Variants in LRCH3 observed in about 807,000 individuals in gnomAD.
LRCH3 encodes leucine rich repeats and calponin homology domain containing 3.
LRCH3 carries 68 observed loss-of-function variants against 104.5 expected under a neutral mutation model. The observed-to-expected ratio is 0.65, with a 90% CI of 0.54 to 0.80. The LOEUF is 0.80. Ranked by LOEUF, LRCH3 falls within the 30% of genes least tolerant of loss-of-function variation. LRCH3 has a pLI of 0.00. For synonymous variants in LRCH3, 344 were observed against 361.3 expected (o/e 0.95, Z 0.54); for missense variants, 951 against 953.9 (o/e 1.00, Z 0.04).
intron 9 of LRCH3, among the ~76,000 whole-genome samples, chr3:197,836,183 G>C (rs973206019): frequency 5.3e-5 from 8 of 152,146 alleles, no homozygotes; most frequent in Non-Finnish European, 1.0e-4. Flanking sequence ...TCATAGTTTG[G>C]TCAGTAGTTA....
At chr3:197,834,185 G>T (rs1472143076) in intron 8 of LRCH3, among the ~76,000 whole-genome samples, 1 of 151,466 alleles carries the variant, frequency 6.6e-6, no homozygotes, top group African/African-American at 2.4e-5. Context: ...TTAGTAGGAA[G>T]TTTTTTTTTC....
At chr3:197,800,805 A>G (rs1295156711) in intron 1 of LRCH3, among the ~76,000 whole-genome samples, 3 of 152,194 alleles carry the variant, frequency 2.0e-5, no homozygotes, top group African/African-American at 7.2e-5. Context: ...AATTGTGTGA[A>G]AATGAGCTGG....
chr3:197,882,203 C>T (rs866311229), intron 20 of LRCH3: 1 of 985,364 alleles, frequency 1.0e-6, no homozygotes, highest in Non-Finnish European at 1.2e-6. Context: ...ACACCGGCCG[C>T]GCAGGTCCTA....
chr3:197,857,137 C>T (rs111718510), intron 14 of LRCH3, among the ~76,000 whole-genome samples: 46 of 112,572 alleles, frequency 4.1e-4, no homozygotes, highest in East Asian at 6.1e-4. Context: ...CTCCTGTTAA[C>T]ATCAGTTTAC....
intron 3 of LRCH3, among the ~76,000 whole-genome samples, chr3:197,817,958 C>A (rs1039055876): frequency 1.3e-5 from 2 of 152,064 alleles, no homozygotes; most frequent in African/African-American, 4.8e-5. Context: ...GTAGCTGGGA[C>A]CACAGGCGCC....
At chr3:197,799,640 G>A (rs1199340590) in intron 1 of LRCH3, among the ~76,000 whole-genome samples, 1 of 152,066 alleles carries the variant, frequency 6.6e-6, no homozygotes, top group East Asian at 1.9e-4. Flanking sequence ...GTCAAGATGG[G>A]TGGATCACCT....
At chr3:197,800,936 A>T (rs575013948) in intron 1 of LRCH3, among the ~76,000 whole-genome samples, 63 of 152,240 alleles carry the variant, frequency 4.1e-4, no homozygotes, top group African/African-American at 1.4e-3. Flanking sequence ...TCTACTAAAA[A>T]TACAAAAAAT....
chr3:197,872,713 A>G (rs1712363974), intron 19 of LRCH3, among the ~76,000 whole-genome samples: 1 of 152,038 alleles, frequency 6.6e-6, no homozygotes, highest in Admixed American at 6.6e-5. Context: ...AAAATTAGCC[A>G]GGAGTGGTTC....
At chr3:197,795,485 C>T (rs1215131231) in intron 1 of LRCH3, among the ~76,000 whole-genome samples, 3 of 151,946 alleles carry the variant, frequency 2.0e-5, no homozygotes, top group Non-Finnish European at 4.4e-5. Context: ...ATGCTTTGAG[C>T]CCTGGGGTTG....
intron 4 of LRCH3, among the ~76,000 whole-genome samples, chr3:197,823,998 T>C (rs1470323405): frequency 6.6e-6 from 1 of 152,202 alleles, no homozygotes; most frequent in Non-Finnish European, 1.5e-5. Context: ...TTACTGTAAT[T>C]ATGTAAACAT....
In LRCH3 at chr3:197,840,417, A is replaced by G. The variant is rs556745315; in HGVS notation, c.1328+1020A>G. Among the ~76,000 whole-genome samples, 11 of 152,282 alleles carry G rather than the reference A, an allele frequency of 7.2e-5. No individual in the cohort carries two copies. In the South Asian group the frequency reaches 1.7e-3, roughly 23 times the overall value. On this transcript the variant is annotated intron_variant, in intron 10 of 20. Coordinates refer to ENST00000425562, the MANE Select transcript of LRCH3 (RefSeq NM_001365715.1). ...GGTTGCAGTGAGCCGAGATCGCACC[A>G]TTGCCCTCCAGCCTGGGTGACAGAC...
chr3:197,823,709 C>G (rs1734766275), intron 4 of LRCH3, among the ~76,000 whole-genome samples: 1 of 151,962 alleles, frequency 6.6e-6, no homozygotes, highest in Non-Finnish European at 1.5e-5. Flanking sequence ...TGGCTGGTCT[C>G]CTGGACTCAA....
chr3:197,817,192 A>G lies in LRCH3; in HGVS notation c.424A>G (p.Thr142Ala), dbSNP rs545179844. The change falls in exon 3 of 21, where the codon ACA becomes GCA. Residue 142 changes from threonine to alanine, a missense_variant. Thr to Ala is a moderately conservative substitution (Grantham distance 58). Coordinates refer to ENST00000425562, the MANE Select transcript of LRCH3 (RefSeq NM_001365715.1). ...CCCATTTAGTCGGAACCAACTGTCA[A>G]CATTGCCGGTACACTTGTGTAATTT... ...FLNISRNQLS[T>A]LPVHLCNLPL... 2.4e-5 allele frequency: 39 copies of G among 1,601,508 alleles called. No individual in the cohort carries two copies. In the South Asian group the frequency reaches 3.9e-4, roughly 16 times the overall value.
intron 8 of LRCH3, among the ~76,000 whole-genome samples, chr3:197,835,373 G>A (rs949143490): frequency 1.3e-5 from 2 of 151,474 alleles, no homozygotes; most frequent in African/African-American, 2.4e-5. Flanking sequence ...TAGTAGAGAC[G>A]GGATTTCAGC....
intron 12 of LRCH3, 149 bp downstream of exon 12, chr3:197,848,170 T>G (rs1286022363): frequency 1.5e-6 from 1 of 684,310 alleles, no homozygotes; most frequent in East Asian, 2.8e-5. Flanking sequence ...CTCTTTTACT[T>G]GTGTCTATCT....
chr3:197,880,993 GCTGAAGCATTTTTA>G (rs1252923999), intron 20 of LRCH3: 6 of 1,292,862 alleles, frequency 4.6e-6, no homozygotes, highest in Non-Finnish European at 5.9e-6. Context: ...TACCATAAAT[GCTGAAGCATTTTTA>G]CTAATACAAT....
intron 10 of LRCH3, among the ~76,000 whole-genome samples, chr3:197,840,774 G>A (rs1737694310): frequency 6.6e-6 from 1 of 152,172 alleles, no homozygotes; most frequent in African/African-American, 2.4e-5. Flanking sequence ...AACTCATGGA[G>A]ATTTAATTAA....
rs545205107 is a variant in LRCH3, at chr3:197,823,639, C to A, written c.640+3209C>A. Among the ~76,000 whole-genome samples, 13 of 152,040 alleles carry A rather than the reference C, an allele frequency of 8.6e-5. No individual in the cohort carries two copies. In the South Asian group the frequency reaches 2.3e-3, roughly 27 times the overall value. On this transcript the variant is annotated intron_variant, in intron 4 of 20. Transcript: ENST00000425562. ...AAGTAGCTGGGACTGCAGACATGCA[C>A]CATCACACCCAGAAAATTTTGTATT...
In LRCH3 at chr3:197,854,495, G is replaced by A; in HGVS notation, c.1644+50G>A. The A allele has an allele frequency of 6.5e-7, 1 of 1,532,174 alleles. No individual in the cohort carries two copies. Among genetic ancestry groups the A allele is most frequent in the Non-Finnish European group, 9.0e-7 (1 of 1,105,478 alleles). 94.9% of individuals were successfully genotyped at this position (1,532,174 alleles called of 1,614,324 possible). ...TTTCGCATTTCTGTGTTTAGAGATT[G>A]TACTTTTTATTCAGAAACTATCTAA... On this transcript the variant is annotated intron_variant, in intron 14 of 20. Transcript: ENST00000425562. The surrounding 1 kb of genome is among the most constrained non-coding windows in gnomAD (Gnocchi z 4.5).
Sources: gnomAD v4.1 joint callset for allele counts (sites outside exome capture counted in the v4.1 genomes callset) on GRCh38, gnomAD v4.1.1 for gene constraint, Gnocchi (gnomAD v3.1) non-coding constraint, MANE v1.5 for transcripts, NCBI Gene and HGNC (gene_info 2026-07-23, HGNC 2026-07-21) for gene names.